Variants in ZNF845 observed in about 807,000 individuals in gnomAD.
The protein encoded by ZNF845 is zinc finger protein 845.
ZNF845 carries 59 observed loss-of-function variants against 76.1 expected under a neutral mutation model. The observed-to-expected ratio is 0.78, with a 90% CI of 0.63 to 0.96. The LOEUF (loss-of-function observed/expected upper bound fraction) is 0.96. Ranked by LOEUF, ZNF845 falls within the 40% of genes least tolerant of loss-of-function variation. The probability of loss-of-function intolerance (pLI) is 0.00; values close to 1 mark genes in which losing one functional copy is unlikely to be tolerated. For missense variants in ZNF845, 1,045 were observed against 1,172.8 expected (o/e 0.89, Z 1.59); for synonymous variants, 361 against 386.9 (o/e 0.93, Z 0.78).
intron 2 of ZNF845, among the ~76,000 whole-genome samples, chr19:53,344,709 C>A (rs1450510534): frequency 6.6e-6 from 1 of 150,896 alleles, no homozygotes; most frequent in Non-Finnish European, 1.5e-5. Flanking sequence ...CAGCTCACCA[C>A]AACCTCCGCC....
At chr19:53,337,309 G>T (rs1226716430) in intron 1 of ZNF845, among the ~76,000 whole-genome samples, 1 of 151,730 alleles carries the variant, frequency 6.6e-6, no homozygotes, top group African/African-American at 2.4e-5. Context: ...AGTTCCCTCT[G>T]CCCGTCAGTC....
At chr19:53,339,102 A>G (rs1299636086) in intron 1 of ZNF845, among the ~76,000 whole-genome samples, 1 of 152,102 alleles carries the variant, frequency 6.6e-6, no homozygotes, top group East Asian at 1.9e-4. Context: ...CCATCTCTAA[A>G]TAAATAAATA....
At chr19:53,349,648 G>A (rs1225748044) in intron 3 of ZNF845, among the ~76,000 whole-genome samples, 1 of 152,048 alleles carries the variant, frequency 6.6e-6, no homozygotes, top group African/African-American at 2.4e-5. Context: ...CTGATTTTAT[G>A]GGTTACGTTA....
In ZNF845 at chr19:53,352,656, A is replaced by G; in HGVS notation, c.1981A>G (p.Lys661Glu). 7 of 1,613,862 alleles carry G rather than the reference A, an allele frequency of 4.3e-6. No homozygotes were observed. The highest frequency in any genetic ancestry group is 5.9e-6 in the Non-Finnish European group (7 of 1,179,884). Residue 661 changes from lysine (K) to glutamate (E), a missense_variant, in exon 4 of 4, where the codon AAA becomes GAA. Physicochemically the swap from Lys to Glu is moderately conservative, Grantham distance 56. Coordinates refer to ENST00000458035, the MANE Select transcript of ZNF845 (RefSeq NM_138374.3). ...ACATAGGAGAATTCATACTGGAGAG[A>G]AACCTTACAGGTGTAATGAATGTGG... Reference protein sequence around the residue: ...QRHRRIHTGEKPYRCNECGKT... With the variant: ...QRHRRIHTGEEPYRCNECGKT...
intron 1 of ZNF845, among the ~76,000 whole-genome samples, chr19:53,334,616 G>T (rs189155851): frequency 6.6e-6 from 1 of 152,042 alleles, no homozygotes; most frequent in Non-Finnish European, 1.5e-5. Flanking sequence ...ATGAAGAAAG[G>T]GGGGCTGGGC....
intron 2 of ZNF845, among the ~76,000 whole-genome samples, chr19:53,342,284 T>C (rs1320684881): frequency 6.6e-6 from 1 of 151,912 alleles, no homozygotes; most frequent in Non-Finnish European, 1.5e-5. Context: ...CCGGATAATT[T>C]AGTTGCATTT....
chr19:53,351,048 C>G lies in ZNF845; in HGVS notation c.373C>G (p.Arg125Gly). 1 of 1,614,126 alleles carries G rather than the reference C, an allele frequency of 6.2e-7. No homozygotes were observed. ...EIKQLTGSTN[R>G]HDQRHAGNKP... is the part of the protein sequence containing the mutation. ...CAAACAGTTGACGGGTAGTACAAAC[C>G]GACATGATCAAAGGCATGCTGGAAA... The change falls in exon 4 of 4, where the codon CGA (arginine) becomes GGA (glycine). Residue 125 changes from arginine to glycine, a missense_variant. By Grantham distance (125) the Arg-to-Gly change is moderately radical. Coordinates refer to ENST00000458035, the MANE Select transcript of ZNF845 (RefSeq NM_138374.3).
rs893827601 is a variant in ZNF845, at chr19:53,350,730, G to C, written c.143-88G>C. On this transcript the variant is annotated intron_variant, in intron 3 of 3. Transcript: ENST00000458035. ...ATAATGTTTGGGAAGTTTAAAATAA[G>C]TATTGTTTTTAGTGTCACATTTACA... 8.8e-6 allele frequency: 13 copies of C among 1,484,312 alleles called. No homozygotes were observed. The African/African-American group carries it at 1.8e-4, about 21-fold the overall frequency. 91.9% of individuals were successfully genotyped at this position (1,484,312 alleles called of 1,614,324 possible).
In ZNF845 at chr19:53,352,528, A is replaced by G. The variant is rs781515281; in HGVS notation, c.1853A>G (p.His618Arg). The G allele has an allele frequency of 1.9e-6, 3 of 1,607,130 alleles. No individual in the cohort carries two copies. The South Asian group carries it at 3.3e-5, about 18-fold the overall frequency. ...AATAGATGTGGCAAATTTTTCAGAC[A>G]TCGTTCATACCTTGCAGTTCATTGG... ...KCNRCGKFFR[H>R]RSYLAVHWRT... is the part of the protein sequence containing the mutation. Residue 618 changes from histidine to arginine, a missense_variant, in exon 4 of 4, where the codon CAT becomes CGT. Transcript: ENST00000458035.
In ZNF845 at chr19:53,352,073, T is replaced by C; in HGVS notation, c.1398T>C (p.Pro466=). 6.2e-7 allele frequency: 1 copy of C among 1,613,850 alleles called. No individual in the cohort carries two copies. The highest frequency in any genetic ancestry group is 2.2e-5 in the East Asian group (1 of 44,864). Residue 466 remains proline, a synonymous_variant, in exon 4 of 4, where the codon CCT becomes CCC. Coordinates refer to ENST00000458035, the MANE Select transcript of ZNF845 (RefSeq NM_138374.3). The part of the protein sequence containing the change: ...RHRRIHTGEK[P]YKCNDCGKTF... ...GGAGAATTCATACTGGAGAGAAACC[T>C]TACAAGTGTAATGATTGTGGCAAGA...
chr19:53,346,635 C>A (rs1039264511), intron 3 of ZNF845, among the ~76,000 whole-genome samples: 12 of 152,332 alleles, frequency 7.9e-5, no homozygotes, highest in African/African-American at 2.4e-4. Context: ...GAACCAAGAT[C>A]ATGCCACTGC....
In ZNF845 at chr19:53,348,581, T is replaced by C. The variant is rs573782653; in HGVS notation, c.143-2237T>C. Among the ~76,000 whole-genome samples the C allele has an allele frequency of 5.3e-5, 8 of 152,310 alleles. No individual in the cohort carries two copies. In the East Asian group the frequency reaches 1.4e-3, roughly 26 times the overall value. On this transcript the variant is annotated intron_variant, in intron 3 of 3. Transcript: ENST00000458035. The stretch of plus-strand genomic sequence containing the variant: ...AACATCCTATTGGAGAATAAGAACT[T>C]TGAACCTGGCTTTTGGCCAATAAGA...
At chr19:53,343,485 C>G (rs2085271850) in intron 2 of ZNF845, among the ~76,000 whole-genome samples, 2 of 152,276 alleles carry the variant, frequency 1.3e-5, no homozygotes, top group South Asian at 4.1e-4. Flanking sequence ...TTTCTTAGAT[C>G]TGACAAGATT....
At position 53,352,513 on chromosome 19, in the gene ZNF845, G is replaced by A. The variant is rs751901416; in HGVS notation, c.1838G>A (p.Gly613Asp). 2.5e-6 allele frequency: 4 copies of A among 1,608,354 alleles called. No individual in the cohort carries two copies. The Admixed American group carries it at 6.8e-5, about 27-fold the overall frequency. ...AGATCGTACAAGTGTAATAGATGTGGCAAATTTTTCAGACATCGTTCATAC... is the reference window on the plus strand; with the variant it reads ...AGATCGTACAAGTGTAATAGATGTGACAAATTTTTCAGACATCGTTCATAC... ...EERSYKCNRC[G>D]KFFRHRSYLA... Residue 613 changes from glycine (G) to aspartate (D), a missense_variant, in exon 4 of 4, where the codon GGC (glycine) becomes GAC (aspartate). Coordinates refer to ENST00000458035, the MANE Select transcript of ZNF845 (RefSeq NM_138374.3).
In ZNF845 at chr19:53,353,410, A is replaced by G. The variant is rs756261213; in HGVS notation, c.2735A>G (p.Glu912Gly). The G allele has an allele frequency of 6.2e-7, 1 of 1,613,768 alleles. No homozygotes were observed. Among genetic ancestry groups the G allele is most frequent in the African/African-American group, 1.3e-5 (1 of 74,882 alleles). Residue 912 changes from glutamate (E) to glycine (G), a missense_variant, in exon 4 of 4, where the codon GAG becomes GGG. By Grantham distance (98) the Glu-to-Gly change is moderately conservative. Coordinates refer to ENST00000458035, the MANE Select transcript of ZNF845 (RefSeq NM_138374.3). ...LACHHRIHTG[E>G]KPYKCNECGK... ...TGTCATCATAGAATTCATACTGGAG[A>G]GAAACCTTACAAGTGTAATGAGTGT... is the stretch of plus-strand genomic sequence containing the variant.
intron 3 of ZNF845, among the ~76,000 whole-genome samples, chr19:53,349,024 T>A (rs2085316056): frequency 6.6e-6 from 1 of 151,050 alleles, no homozygotes; most frequent in African/African-American, 2.4e-5. Context: ...GCCCAGCTAA[T>A]TTTTTTTGCA....
Position 53,353,969 on chromosome 19 carries a change from G to T in ZNF845, c.*381G>T. ...TTTCAGACATTGTTCATACCTTGCA[G>T]TTCATCGGTGAACTCATGCTGGAGA... On this transcript the variant is annotated 3_prime_UTR_variant, in exon 4 of 4. Transcript: ENST00000458035. 2.0e-6 allele frequency: 1 copy of T among 507,530 alleles called. No individual in the cohort carries two copies. Among genetic ancestry groups the T allele is most frequent in the Non-Finnish European group, 3.4e-6 (1 of 289,994 alleles). The allele number at this position is 507,530 out of a possible 1,614,324, so 31.4% of individuals were successfully genotyped here.
chr19:53,352,731 A>G lies in ZNF845; in HGVS notation c.2056A>G (p.Thr686Ala). ...CCTTACATGCCATCGTAGACTTCAT[A>G]CTGGAGAGAAACCTTACAAGTGTAA... ...SYLTCHRRLH[T>A]GEKPYKCNEC... The change falls in exon 4 of 4, where the codon ACT (threonine) becomes GCT (alanine). Residue 686 changes from threonine to alanine, a missense_variant. Transcript: ENST00000458035. The G allele has an allele frequency of 6.2e-7, 1 of 1,614,188 alleles. No homozygotes were observed. The highest frequency in any genetic ancestry group is 8.5e-7 in the Non-Finnish European group (1 of 1,180,020).
Position 53,352,696 on chromosome 19 carries a change from G to A in ZNF845, c.2021G>A (p.Arg674Gln), listed in dbSNP as rs762984003. The change falls in exon 4 of 4, where the codon CGG becomes CAG. Residue 674 changes from arginine to glutamine, a missense_variant. Transcript: ENST00000458035. Reference sequence around the variant, plus strand: ...AATGAATGTGGCAAGACCTTTAGTCGGAAGTCATACCTTACATGCCATCGT... The same window carrying A: ...AATGAATGTGGCAAGACCTTTAGTCAGAAGTCATACCTTACATGCCATCGT... The part of the protein sequence containing the change: ...RCNECGKTFS[R>Q]KSYLTCHRRL... 1.4e-5 allele frequency: 23 copies of A among 1,612,896 alleles called. No homozygotes were observed. Among genetic ancestry groups the A allele is most frequent in the South Asian group, 7.7e-5 (7 of 91,002 alleles).
Sources: allele counts gnomAD v4.1 joint callset (sites outside exome capture counted in the v4.1 genomes callset), GRCh38; gene constraint gnomAD v4.1.1; transcripts MANE v1.5; gene names NCBI Gene and HGNC (gene_info 2026-07-23, HGNC 2026-07-21).